MAML2: variants seen among roughly 807,000 people sequenced by gnomAD.
MAML2 encodes mastermind like transcriptional coactivator 2.
MAML2 carries 22 observed loss-of-function variants against 96.1 expected under a neutral mutation model. The observed-to-expected ratio is 0.23, with a 90% CI of 0.16 to 0.33. The LOEUF (loss-of-function observed/expected upper bound fraction) is 0.33. Among genes scored for constraint, MAML2 ranks in the 10% least tolerant of loss-of-function variants. MAML2 has a pLI of 1.00. For missense variants in MAML2, 1,367 were observed against 1,392.4 expected (o/e 0.98, Z 0.29); for synonymous variants, 561 against 521.3 (o/e 1.08, Z -1.04).
At chr11:96,046,685 T>C (rs1258231392) in intron 2 of MAML2, among the ~76,000 whole-genome samples, 1 of 152,210 alleles carries the variant, frequency 6.6e-6, no homozygotes, top group African/African-American at 2.4e-5. Context: ...ATTTTTTCCT[T>C]CCTTTCCTTC....
chr11:96,253,308 C>T (rs889174704), intron 1 of MAML2, among the ~76,000 whole-genome samples: 1 of 152,150 alleles, frequency 6.6e-6, no homozygotes, highest in Admixed American at 6.5e-5. Flanking sequence ...TATTGAAAGC[C>T]ATCTGAGATG....
At chr11:96,002,423 G>A (rs1225268529) in intron 2 of MAML2, among the ~76,000 whole-genome samples, 2 of 152,162 alleles carry the variant, frequency 1.3e-5, no homozygotes, top group African/African-American at 4.8e-5. Flanking sequence ...TTGTTTTTAT[G>A]GGTGTGCCAC....
intron 1 of MAML2, among the ~76,000 whole-genome samples, chr11:96,188,000 A>G (rs953384096): frequency 2.6e-5 from 4 of 152,130 alleles, no homozygotes; most frequent in Non-Finnish European, 5.9e-5. Flanking sequence ...TCTTTGGCCT[A>G]TGGTTAAATG....
At chr11:96,114,219 C>T (rs1860194696) in intron 1 of MAML2, among the ~76,000 whole-genome samples, 1 of 152,122 alleles carries the variant, frequency 6.6e-6, no homozygotes, top group East Asian at 1.9e-4. Flanking sequence ...ATGCCTGGCC[C>T]CAGGAATCAT....
chr11:96,303,247 T>C (rs760579149), intron 1 of MAML2, among the ~76,000 whole-genome samples: 2 of 152,226 alleles, frequency 1.3e-5, no homozygotes, highest in Non-Finnish European at 2.9e-5. Context: ...CTCCCTACTC[T>C]GGCACTCTGA....
chr11:96,258,610 A>G (rs552103095), intron 1 of MAML2, among the ~76,000 whole-genome samples: 1 of 152,338 alleles, frequency 6.6e-6, no homozygotes, highest in African/African-American at 2.4e-5. Context: ...GATGGGAATC[A>G]TATATGGAGT....
intron 2 of MAML2, among the ~76,000 whole-genome samples, chr11:96,062,290 G>A (rs909487560): frequency 6.6e-6 from 1 of 152,146 alleles, no homozygotes; most frequent in Non-Finnish European, 1.5e-5. Flanking sequence ...AACTGGTAAT[G>A]CCAGTGAGAT....
chr11:96,243,872 T>C (rs1862475147), intron 1 of MAML2, among the ~76,000 whole-genome samples: 1 of 152,058 alleles, frequency 6.6e-6, no homozygotes, highest in African/African-American at 2.4e-5. Flanking sequence ...TCAGGATGGT[T>C]TGTCGTGATC....
In MAML2 at chr11:96,279,500, A is replaced by C. The variant is rs151163527; in HGVS notation, c.513+61883T>G. 3.0e-3 allele frequency among the ~76,000 whole-genome samples: 464 copies of C among 152,290 alleles called. 1 individual carries two copies. The highest frequency in any genetic ancestry group is 0.01 in the African/African-American group (425 of 41,554). Reference sequence around the variant, plus strand: ...TCTTGTAAATTACAAGGGACTATGCAGTATGTAAGGGAAGATACAGGAGAG... The same window carrying C: ...TCTTGTAAATTACAAGGGACTATGCCGTATGTAAGGGAAGATACAGGAGAG... On this transcript the variant is annotated intron_variant, in intron 1 of 4. Coordinates refer to ENST00000524717, the MANE Select transcript of MAML2 (RefSeq NM_032427.4).
At chr11:96,098,961 C>A (rs1255065135) in intron 1 of MAML2, among the ~76,000 whole-genome samples, 1 of 151,686 alleles carries the variant, frequency 6.6e-6, no homozygotes, top group African/African-American at 2.4e-5. Flanking sequence ...TTCCCCTGCC[C>A]CCATCCCTTT....
chr11:96,331,523 G>C (rs189277030), intron 1 of MAML2, among the ~76,000 whole-genome samples: 3 of 151,922 alleles, frequency 2.0e-5, no homozygotes, highest in African/African-American at 7.3e-5. Context: ...AAGGCCAGGC[G>C]CAGTGCCTCA....
At chr11:96,063,761 A>C (rs2135781159) in intron 2 of MAML2, among the ~76,000 whole-genome samples, 1 of 152,358 alleles carries the variant, frequency 6.6e-6, no homozygotes, top group South Asian at 2.1e-4. Context: ...CTCATTAAAA[A>C]CAAAACAAAA....
chr11:96,301,915 T>C lies in MAML2; in HGVS notation c.513+39468A>G, dbSNP rs1863392184. Among the ~76,000 whole-genome samples the C allele has an allele frequency of 2.0e-5, 3 of 152,240 alleles. No individual in the cohort carries two copies. In the South Asian group the frequency reaches 6.2e-4, roughly 31 times the overall value. ...ATATGTAGAACTTACCAGTTGCATT[T>C]TGGCTACAAGATTAACATTGAAGAG... On this transcript the variant is annotated intron_variant, in intron 1 of 4. Coordinates refer to ENST00000524717, the MANE Select transcript of MAML2 (RefSeq NM_032427.4).
In MAML2 at chr11:96,341,593, G is replaced by T; in HGVS notation, c.303C>A (p.Thr101=). ...CAGGGGGCGGTGGAGGGGCTGTAGT[G>T]GTGGCAGCAGTGGCGGTGGCCTTGG... ...KHTKATATAA[T]TTAPPPPPAA... The change falls in exon 1 of 5, where the codon ACC becomes ACA. Residue 101 remains threonine, a synonymous_variant. Coordinates refer to ENST00000524717, the MANE Select transcript of MAML2 (RefSeq NM_032427.4). 19 of 1,551,664 alleles carry T rather than the reference G, an allele frequency of 1.2e-5. No homozygotes were observed. Among genetic ancestry groups the T allele is most frequent in the Non-Finnish European group, 1.7e-5 (19 of 1,147,078 alleles).
At chr11:96,021,889 T>G (rs563511343) in intron 2 of MAML2, among the ~76,000 whole-genome samples, 1 of 152,346 alleles carries the variant, frequency 6.6e-6, no homozygotes, top group South Asian at 2.1e-4. Context: ...CATTCCTCTT[T>G]GCCTTGAAGC....
At chr11:96,007,457 A>T (rs1858201249) in intron 2 of MAML2, among the ~76,000 whole-genome samples, 1 of 152,200 alleles carries the variant, frequency 6.6e-6, no homozygotes, top group South Asian at 2.1e-4. Context: ...AACATAGGTA[A>T]CTGGTATCAC....
chr11:96,228,595 A>G (rs756124073), intron 1 of MAML2, among the ~76,000 whole-genome samples: 1 of 152,212 alleles, frequency 6.6e-6, no homozygotes, highest in Non-Finnish European at 1.5e-5. Context: ...CCATTGGGAC[A>G]TTTTACTTTT....
At chr11:96,327,988 C>T (rs142124546) in intron 1 of MAML2, among the ~76,000 whole-genome samples, 119 of 152,024 alleles carry the variant, frequency 7.8e-4, no homozygotes, top group East Asian at 7.5e-3. Flanking sequence ...CCCAGCTACT[C>T]GGGAGGCTAA....
At chr11:95,985,734 T>C (rs1040294526) in intron 3 of MAML2, 92 bp from the exon 4 acceptor site, 8 of 789,958 alleles carry the variant, frequency 1.0e-5, no homozygotes, top group Admixed American at 2.7e-5. Context: ...TCAGAAAATA[T>C]AAGAACAATT....
Sources: allele counts gnomAD v4.1 joint callset (sites outside exome capture counted in the v4.1 genomes callset), GRCh38; gene constraint gnomAD v4.1.1; transcripts MANE v1.5; gene names NCBI Gene and HGNC (gene_info 2026-07-23, HGNC 2026-07-21).